Variants in RB1 observed in about 807,000 individuals in gnomAD.
RB1 encodes RB transcriptional corepressor 1.
In RB1, 18 loss-of-function variants were observed where a neutral mutation model predicts 135.4. That is an observed-to-expected ratio of 0.13 (90% CI 0.09 to 0.20). The LOEUF is 0.20. Ranked by LOEUF, RB1 falls within the 10% of genes least tolerant of loss-of-function variation. The pLI is 1.00. For synonymous variants in RB1, 365 were observed against 373.2 expected (o/e 0.98, Z 0.25); for missense variants, 868 against 1,110.0 (o/e 0.78, Z 3.10).
At chr13:48,385,683 A>T (rs1948566207) in intron 17 of RB1, among the ~76,000 whole-genome samples, 1 of 152,222 alleles carries the variant, frequency 6.6e-6, no homozygotes, top group Non-Finnish European at 1.5e-5. Context: ...ACAGACTCAG[A>T]GCAGCCAAAT....
chr13:48,398,173 C>A (rs1445077664), intron 17 of RB1, among the ~76,000 whole-genome samples: 1 of 152,106 alleles, frequency 6.6e-6, no homozygotes, highest in Non-Finnish European at 1.5e-5. Context: ...CATGAATTAC[C>A]TAAAATAACC....
chr13:48,355,884 G>T (rs538790806), intron 6 of RB1, among the ~76,000 whole-genome samples: 3 of 151,960 alleles, frequency 2.0e-5, no homozygotes, highest in Non-Finnish European at 4.4e-5. Flanking sequence ...TGAACTCATG[G>T]ACCTAGAGAG....
intron 2 of RB1, chr13:48,333,220 G>A: frequency 2.5e-6 from 1 of 393,792 alleles, no homozygotes; most frequent in Non-Finnish European, 4.5e-6. Context: ...GACCTCATTT[G>A]TTTGTTGGTG....
intron 17 of RB1, among the ~76,000 whole-genome samples, chr13:48,446,726 A>G (rs1339750862): frequency 2.0e-5 from 3 of 152,178 alleles, no homozygotes; most frequent in Admixed American, 1.3e-4. Context: ...ACCCAGAGAA[A>G]GGAAGAATTA....
intron 12 of RB1, among the ~76,000 whole-genome samples, chr13:48,374,789 A>C (rs1952801773): frequency 6.6e-6 from 1 of 152,032 alleles, no homozygotes; most frequent in Non-Finnish European, 1.5e-5. Flanking sequence ...TGCCTCAAAG[A>C]CTTTTTTTTA....
At chr13:48,349,586 AACT>A (rs981891055) in intron 6 of RB1, among the ~76,000 whole-genome samples, 4 of 152,032 alleles carry the variant, frequency 2.6e-5, no homozygotes, top group Admixed American at 6.6e-5. Flanking sequence ...CATCAGAGAA[AACT>A]ACTTTCACTA....
At chr13:48,341,083 C>T (rs777815643) in intron 2 of RB1, 1 of 152,068 alleles carries the variant, frequency 6.6e-6, no homozygotes, top group Admixed American at 6.5e-5. Flanking sequence ...CATTTCCCAA[C>T]ACCTCCCCTC....
Position 48,326,747 on chromosome 13 carries a change from C to T in RB1, c.265-15852C>T, listed in dbSNP as rs150903727. Reference sequence around the variant, plus strand: ...CAGCGAGCAGTTACCACCAATAAAACGGTCTGAAGCTGCCTCCAAATACAA... The same window carrying T: ...CAGCGAGCAGTTACCACCAATAAAATGGTCTGAAGCTGCCTCCAAATACAA... On this transcript the variant is annotated intron_variant, in intron 2 of 26. Transcript: ENST00000267163. Among the ~76,000 whole-genome samples, 848 of 152,090 alleles carry T rather than the reference C, an allele frequency of 5.6e-3. 5 individuals are homozygous for T. The highest frequency in any genetic ancestry group is 0.01 in the Middle Eastern group (3 of 294).
At chr13:48,390,470 T>C (rs1377261535) in intron 17 of RB1, among the ~76,000 whole-genome samples, 2 of 152,202 alleles carry the variant, frequency 1.3e-5, no homozygotes, top group African/African-American at 4.8e-5. Flanking sequence ...CAAGGAGGAA[T>C]GTGACTGAAA....
At chr13:48,475,856 T>C (rs1949501061) in intron 24 of RB1, among the ~76,000 whole-genome samples, 1 of 152,190 alleles carries the variant, frequency 6.6e-6, no homozygotes, top group South Asian at 2.1e-4. Context: ...TGTCAGACTT[T>C]ACAAAGGAGC....
At chr13:48,339,306 T>A (rs1305718397) in intron 2 of RB1, among the ~76,000 whole-genome samples, 2 of 152,228 alleles carry the variant, frequency 1.3e-5, no homozygotes, top group African/African-American at 4.8e-5. Flanking sequence ...CTCCTTGACC[T>A]GCGGTGGGCT....
At chr13:48,322,995 T>C (rs996349624) in intron 2 of RB1, among the ~76,000 whole-genome samples, 10 of 152,150 alleles carry the variant, frequency 6.6e-5, no homozygotes, top group Non-Finnish European at 1.2e-4. Flanking sequence ...GTGCTGTCTT[T>C]GTCTGATTTT....
Position 48,367,238 on chromosome 13 carries a change from GCTAT to G in RB1, c.940-253_940-250del, listed in dbSNP as rs532650972. On this transcript the variant is annotated intron_variant, in intron 9 of 26. Coordinates refer to ENST00000267163, the MANE Select transcript of RB1 (RefSeq NM_000321.3). The stretch of plus-strand genomic sequence containing the variant: ...TCTTAGGTACTGTTTTGTAGCATTG[GCTAT>G]CTTTGTCTACATAAAATTCTAATAA... Among the ~76,000 whole-genome samples, 847 of 151,804 alleles carry G rather than the reference GCTAT, an allele frequency of 5.6e-3. 5 individuals are homozygous for G. Among genetic ancestry groups the G allele is most frequent in the Middle Eastern group, 0.01 (3 of 292 alleles).
intron 17 of RB1, among the ~76,000 whole-genome samples, chr13:48,403,508 C>G (rs923784569): frequency 6.6e-6 from 1 of 152,064 alleles, no homozygotes; most frequent in African/African-American, 2.4e-5. Flanking sequence ...ACACAACACC[C>G]CCAGGAAAGG....
Position 48,456,273 on chromosome 13 carries a change from A to G in RB1, c.1884A>G (p.Ala628=), listed in dbSNP as rs2138331291. Residue 628 remains alanine, a synonymous_variant, in exon 19 of 27, where the codon GCA becomes GCG. Transcript: ENST00000267163. The part of the protein sequence containing the change: ...STTRVNSTAN[A]ETQATSAFQT... The stretch of plus-strand genomic sequence containing the variant: ...CGCGTGTAAATTCTACTGCAAATGC[A>G]GAGACACAAGCAACCTCAGCCTTCC... The G allele has an allele frequency of 3.7e-6, 6 of 1,614,240 alleles. No homozygotes were observed. The highest frequency in any genetic ancestry group is 5.1e-6 in the Non-Finnish European group (6 of 1,180,040).
At chr13:48,375,579 T>C (rs1314941057) in intron 12 of RB1, among the ~76,000 whole-genome samples, 1 of 150,320 alleles carries the variant, frequency 6.7e-6, no homozygotes, top group African/African-American at 2.4e-5. Context: ...TTTTTATTTA[T>C]ATATATATAT....
intron 17 of RB1, among the ~76,000 whole-genome samples, chr13:48,450,294 T>G (rs1949318821): frequency 6.6e-6 from 1 of 152,214 alleles, no homozygotes; most frequent in South Asian, 2.1e-4. Flanking sequence ...CATCTTGAGT[T>G]AATTTTTGTA....
chr13:48,304,742 A>G (rs146282087), intron 1 of RB1, among the ~76,000 whole-genome samples: 1 of 152,162 alleles, frequency 6.6e-6, no homozygotes, highest in Non-Finnish European at 1.5e-5. Context: ...CATTTACCAG[A>G]AGTGCTTGAA....
intron 2 of RB1, chr13:48,318,269 G>C (rs2138051216): frequency 2.2e-6 from 2 of 920,002 alleles, no homozygotes; most frequent in Non-Finnish European, 3.2e-6. Flanking sequence ...TGTCTTTCCA[G>C]TCTCTCGGGA....
Sources: allele counts gnomAD v4.1 joint callset (sites outside exome capture counted in the v4.1 genomes callset), GRCh38; gene constraint gnomAD v4.1.1; transcripts MANE v1.5; gene names NCBI Gene and HGNC (gene_info 2026-07-23, HGNC 2026-07-21).